Variants in NEBL observed in about 807,000 individuals in gnomAD.
The protein encoded by NEBL is LIM and SH3 protein 2.
Under a neutral mutation model 140.2 loss-of-function variants are expected in NEBL, and 122 were observed. That is an observed-to-expected ratio of 0.87 (90% CI 0.75 to 1.01). NEBL has a LOEUF of 1.01. Among genes scored for constraint, NEBL ranks in the 50% least tolerant of loss-of-function variants. NEBL has a pLI of 0.00. For synonymous variants in NEBL, 436 were observed against 398.9 expected, an observed-to-expected ratio of 1.09 and a Z score of -1.11; for missense variants, 1,365 against 1,231.3, an observed-to-expected ratio of 1.11 and a Z score of -1.62.
intron 3 of NEBL, among the ~76,000 whole-genome samples, chr10:21,231,934 C>A (rs998924456): frequency 1.3e-5 from 2 of 152,138 alleles, no homozygotes; most frequent in African/African-American, 2.4e-5. Flanking sequence ...CCTCGCTATG[C>A]CCCCTCCCTT....
chr10:21,127,704 T>C (rs1027519051), intron 2 of NEBL, among the ~76,000 whole-genome samples: 1 of 152,112 alleles, frequency 6.6e-6, no homozygotes, highest in Non-Finnish European at 1.5e-5. Context: ...GGACATGCTA[T>C]AAGGCAAAAA....
In NEBL at chr10:21,126,539, C is replaced by CT. The variant is rs1467180850; in HGVS notation, c.164+45843dup. On this transcript the variant is annotated intron_variant, in intron 2 of 6. Coordinates refer to the NEBL transcript ENST00000417816. Reference sequence around the variant, plus strand: ...GTCGTAGAATATTAGCATACACCATCTTTTTTTCTGGAAGGGAAGCTACAA... The same window carrying CT: ...GTCGTAGAATATTAGCATACACCATCTTTTTTTTCTGGAAGGGAAGCTACAA... Among the ~76,000 whole-genome samples, 3 of 152,254 alleles carry CT rather than the reference C, an allele frequency of 2.0e-5. No individual in the cohort carries two copies. In the East Asian group the frequency reaches 5.8e-4, roughly 29 times the overall value.
At chr10:21,186,247 T>C (rs1268940473) in intron 3 of NEBL, among the ~76,000 whole-genome samples, 4 of 143,594 alleles carry the variant, frequency 2.8e-5, no homozygotes, top group African/African-American at 5.7e-5. Context: ...AAAAAATTTT[T>C]ATATATACAA....
At chr10:21,122,002 G>GGTTGTTGTTGTTGTT (rs147160117) in intron 2 of NEBL, among the ~76,000 whole-genome samples, 34 of 149,554 alleles carry the variant, frequency 2.3e-4, no homozygotes, top group East Asian at 1.0e-3. Context: ...GATTTCTCCT[G>GGTTGTTGTTGTTGTT]GTTGTTGTTG....
chr10:21,022,791 C>G (rs191793532), intron 2 of NEBL, among the ~76,000 whole-genome samples: 42 of 152,314 alleles, frequency 2.8e-4, no homozygotes, highest in African/African-American at 9.9e-4. Context: ...AACCGCTGGA[C>G]TGTCAAGAGA....
chr10:21,119,107 C>T (rs1449676689), intron 2 of NEBL, among the ~76,000 whole-genome samples: 4 of 152,176 alleles, frequency 2.6e-5, no homozygotes. Flanking sequence ...TGATCTAAAT[C>T]AATCTCACTT....
chr10:21,225,638 C>G (rs1842135440), intron 3 of NEBL, among the ~76,000 whole-genome samples: 1 of 152,148 alleles, frequency 6.6e-6, no homozygotes, highest in South Asian at 2.1e-4. Context: ...TTTCCACAAG[C>G]AGAGGAGTCT....
intron 2 of NEBL, chr10:21,029,771 C>T (rs1833701184): frequency 2.6e-6 from 2 of 769,122 alleles, no homozygotes; most frequent in Admixed American, 1.8e-5. Flanking sequence ...CGGTAGGGAT[C>T]GCTATGATGA....
rs986387134 is a variant in NEBL, at chr10:20,831,113, G to A, written c.1671+83C>T. 7 of 1,006,052 alleles carry A rather than the reference G, an allele frequency of 7.0e-6. No homozygotes were observed. The African/African-American group carries it at 1.1e-4, about 16-fold the overall frequency. 62.3% of individuals were successfully genotyped at this position (1,006,052 alleles called of 1,614,324 possible). ...GCTCTGAATGCAATGCCCTCAGAAA[G>A]ATATCATTCATAGAGACATACAAAG... On this transcript the variant is annotated intron_variant, in intron 16 of 27. Transcript: ENST00000377122.
chr10:21,253,041 C>T (rs1049555794), intron 1 of NEBL, among the ~76,000 whole-genome samples: 20 of 152,296 alleles, frequency 1.3e-4, no homozygotes, highest in African/African-American at 4.8e-4. Flanking sequence ...GAGGGTGGAT[C>T]ACCTGAGCGC....
At chr10:20,925,463 C>G (rs1159485183) in intron 4 of NEBL, among the ~76,000 whole-genome samples, 1 of 152,142 alleles carries the variant, frequency 6.6e-6, no homozygotes, top group Non-Finnish European at 1.5e-5. Flanking sequence ...CACCTTCTCT[C>G]TCTTGACTGG....
chr10:21,189,268 C>G (rs76180923), intron 3 of NEBL, among the ~76,000 whole-genome samples: 2,306 of 152,060 alleles, frequency 0.015, 23 homozygotes, highest in Non-Finnish European at 0.022. Flanking sequence ...GGAGGAGACA[C>G]AGAGGAGGAG....
chr10:20,840,190 T>C (rs1841282461), intron 13 of NEBL, among the ~76,000 whole-genome samples: 1 of 152,108 alleles, frequency 6.6e-6, no homozygotes, highest in Non-Finnish European at 1.5e-5. Flanking sequence ...CCAAAGTCTC[T>C]TAAAAGCACA....
chr10:21,004,449 G>A (rs888400143), intron 3 of NEBL, among the ~76,000 whole-genome samples: 15 of 152,052 alleles, frequency 9.9e-5, no homozygotes, highest in African/African-American at 2.2e-4. Flanking sequence ...GGCCGGGCAC[G>A]GTGGCTCACG....
intron 4 of NEBL, among the ~76,000 whole-genome samples, chr10:20,919,564 C>T (rs1214527148): frequency 6.6e-6 from 1 of 152,168 alleles, no homozygotes; most frequent in Non-Finnish European, 1.5e-5. Context: ...CCCATGTCCA[C>T]AGGACAAACG....
chr10:21,228,831 T>C (rs1029229669), intron 3 of NEBL, among the ~76,000 whole-genome samples: 6 of 152,224 alleles, frequency 3.9e-5, no homozygotes, highest in African/African-American at 1.2e-4. Context: ...ATTTTACTCA[T>C]GGACTATTTC....
chr10:20,856,228 T>C (rs775718651), intron 9 of NEBL, among the ~76,000 whole-genome samples: 2 of 152,220 alleles, frequency 1.3e-5, no homozygotes, highest in Non-Finnish European at 2.9e-5. Context: ...ATAAGTAACG[T>C]ATGACTTTGC....
intron 2 of NEBL, among the ~76,000 whole-genome samples, chr10:21,079,482 C>A (rs560842053): frequency 6.6e-6 from 1 of 152,314 alleles, no homozygotes; most frequent in African/African-American, 2.4e-5. Context: ...AGTGGGCACA[C>A]AGAATTTGTG....
intron 2 of NEBL, among the ~76,000 whole-genome samples, chr10:21,249,775 G>A (rs1842563123): frequency 6.6e-6 from 1 of 151,988 alleles, no homozygotes; most frequent in African/African-American, 2.4e-5. Context: ...CTTTTAAAAT[G>A]TTTCCTGGCT....
Sources: gnomAD v4.1 joint callset for allele counts (sites outside exome capture counted in the v4.1 genomes callset) on GRCh38, gnomAD v4.1.1 for gene constraint, MANE v1.5 for transcripts, NCBI Gene and HGNC (gene_info 2026-07-23, HGNC 2026-07-21) for gene names.